Variants in ADGRV1 observed in about 807,000 individuals in gnomAD.
The protein encoded by ADGRV1 is adhesion G protein-coupled receptor V1.
ADGRV1 carries 359 observed loss-of-function variants against 596.2 expected under a neutral mutation model. The observed-to-expected ratio is 0.60, with a 90% confidence interval of 0.55 to 0.66. ADGRV1 has a LOEUF of 0.66. Among genes scored for constraint, ADGRV1 ranks in the 30% least tolerant of loss-of-function variants. The pLI, the probability that ADGRV1 is intolerant of heterozygous loss-of-function variation, is 0.00. For synonymous variants in ADGRV1, 2,681 were observed against 2,679.2 expected, an observed-to-expected ratio of 1.00 and a Z score of -0.02; for missense variants, 7,274 against 7,575.6, an observed-to-expected ratio of 0.96 and a Z score of 1.48.
chr5:91,058,978 A>G (rs1787155671), intron 85 of ADGRV1, among the ~76,000 whole-genome samples: 1 of 152,140 alleles, frequency 6.6e-6, no homozygotes. Context: ...ACTGCACAGC[A>G]CTTTTCTCTG....
chr5:90,729,354 T>C lies in ADGRV1; in HGVS notation c.10427-288T>C, dbSNP rs73772478. ...GGAAAATTTGCTTTCTGCTGCTGAG[T>C]AGAACTTTCATGGGTAAAATTGCAA... is the stretch of plus-strand genomic sequence containing the variant. On this transcript the variant is annotated intron_variant, in intron 49 of 89. Transcript: ENST00000405460. Among the ~76,000 whole-genome samples the C allele has an allele frequency of 0.033, 5,071 of 152,270 alleles. 134 individuals are homozygous for C. Among genetic ancestry groups the C allele is most frequent in the South Asian group, 0.13 (616 of 4,824 alleles).
Position 90,783,863 on chromosome 5 carries a change from C to G in ADGRV1, c.13459C>G (p.Leu4487Val), listed in dbSNP as rs1487589859. Reference protein sequence around the residue: ...ESEFEEPIEILLTGATGGAVL... With the variant: ...ESEFEEPIEIVLTGATGGAVL... The stretch of plus-strand genomic sequence containing the variant: ...TGAATTTGAGGAGCCCATTGAAATT[C>G]TACTCACTGGAGCTACTGGAGGAGC... Residue 4487 changes from leucine (L) to valine (V), a missense_variant, in exon 67 of 90, where the codon CTA becomes GTA. Physicochemically the swap from Leu to Val is conservative, Grantham distance 32. This residue lies in a region of ADGRV1 where 3,643 missense variants were observed against 3,809.2 expected (regional missense o/e 0.96). Transcript: ENST00000405460. 1.2e-6 allele frequency: 2 copies of G among 1,608,846 alleles called. No individual in the cohort carries two copies. Among genetic ancestry groups the G allele is most frequent in the South Asian group, 2.2e-5 (2 of 89,700 alleles).
At chr5:91,053,920 A>G (rs971952996) in intron 85 of ADGRV1, among the ~76,000 whole-genome samples, 15 of 152,244 alleles carry the variant, frequency 9.9e-5, no homozygotes, top group African/African-American at 3.6e-4. Flanking sequence ...AAATGCATAT[A>G]CAATGAATGA....
At chr5:90,639,800 T>C (rs1417758572) in intron 11 of ADGRV1, among the ~76,000 whole-genome samples, 3 of 152,182 alleles carry the variant, frequency 2.0e-5, no homozygotes, top group African/African-American at 7.2e-5. Context: ...AAACTCCCTC[T>C]TAATTTTGCA....
At chr5:90,732,187 A>T (rs982761140) in intron 50 of ADGRV1, among the ~76,000 whole-genome samples, 4 of 152,056 alleles carry the variant, frequency 2.6e-5, no homozygotes, top group African/African-American at 4.8e-5. Context: ...AGTTTTTTTT[A>T]AAAGTGGAGT....
At chr5:91,028,024 T>A (rs1784157662) in intron 85 of ADGRV1, among the ~76,000 whole-genome samples, 1 of 138,090 alleles carries the variant, frequency 7.2e-6, no homozygotes, top group Admixed American at 7.0e-5. Context: ...GAGATCCAGC[T>A]TTTTTTTTCT....
Position 90,612,464 on chromosome 5 carries a change from T to C in ADGRV1, c.23-2371T>C, listed in dbSNP as rs555583729. 4.6e-5 allele frequency among the ~76,000 whole-genome samples: 7 copies of C among 152,148 alleles called. No individual in the cohort carries two copies. The East Asian group carries it at 9.7e-4, about 21-fold the overall frequency. On this transcript the variant is annotated intron_variant, in intron 1 of 89. Coordinates refer to ENST00000405460, the MANE Select transcript of ADGRV1 (RefSeq NM_032119.4). Reference sequence around the variant, plus strand: ...TGTAAATGGCAGTACAGTGTGGTTATTGGGTAGAGAGTTTGGAGTTAGCCT... The same window carrying C: ...TGTAAATGGCAGTACAGTGTGGTTACTGGGTAGAGAGTTTGGAGTTAGCCT...
intron 79 of ADGRV1, among the ~76,000 whole-genome samples, chr5:90,851,039 A>G (rs566877855): frequency 3.3e-5 from 5 of 151,542 alleles, no homozygotes; most frequent in African/African-American, 1.2e-4. Context: ...GGCAAGAATT[A>G]GCATGGTATG....
At chr5:90,873,694 T>C (rs1227448588) in intron 83 of ADGRV1, among the ~76,000 whole-genome samples, 4 of 151,952 alleles carry the variant, frequency 2.6e-5, no homozygotes, top group Non-Finnish European at 5.9e-5. Flanking sequence ...GCTCTGGAGG[T>C]TGAGAAAGGA....
intron 75 of ADGRV1, among the ~76,000 whole-genome samples, chr5:90,819,456 C>A (rs1388822511): frequency 0.02 from 2,915 of 145,308 alleles, 139 homozygotes; most frequent in African/African-American, 0.078. Context: ...GCCTTCTGCT[C>A]GCTTTTGAAT....
chr5:90,992,236 C>T (rs1008089757), intron 85 of ADGRV1, among the ~76,000 whole-genome samples: 65 of 152,240 alleles, frequency 4.3e-4, no homozygotes, highest in African/African-American at 1.5e-3. Context: ...ATTCAAAGGC[C>T]TGTTAACTCC....
At chr5:90,751,540 C>G (rs77788156) in intron 53 of ADGRV1, among the ~76,000 whole-genome samples, 2,124 of 152,062 alleles carry the variant, frequency 0.014, 26 homozygotes, top group Non-Finnish European at 0.022. Flanking sequence ...AGCTGAGGTT[C>G]AAGAATGGAA....
At chr5:90,947,270 G>A (rs1581600077) in intron 83 of ADGRV1, among the ~76,000 whole-genome samples, 1 of 151,926 alleles carries the variant, frequency 6.6e-6, no homozygotes, top group South Asian at 2.1e-4. Flanking sequence ...ATGTTTGTTG[G>A]CCACATAAAT....
chr5:90,643,781 T>C, intron 13 of ADGRV1, 22 bp from the exon 14 acceptor site: 3 of 1,541,194 alleles, frequency 1.9e-6, no homozygotes, highest in Non-Finnish European at 1.8e-6. Flanking sequence ...ATAATTTCCA[T>C]ACTTTGACAC....
intron 28 of ADGRV1, among the ~76,000 whole-genome samples, chr5:90,685,175 A>G (rs1349783809): frequency 6.6e-6 from 1 of 151,312 alleles, no homozygotes; most frequent in Non-Finnish European, 1.5e-5. Flanking sequence ...AAATTTCTCT[A>G]GAATGTAAGC....
chr5:90,793,489 A>G (rs930693886), intron 70 of ADGRV1, among the ~76,000 whole-genome samples: 5 of 152,230 alleles, frequency 3.3e-5, no homozygotes, highest in African/African-American at 1.2e-4. Context: ...GTATTGTTTT[A>G]CTAAGCAACG....
At chr5:90,686,374 C>A (rs1233638852) in intron 29 of ADGRV1, among the ~76,000 whole-genome samples, 1 of 152,086 alleles carries the variant, frequency 6.6e-6, no homozygotes, top group East Asian at 1.9e-4. Flanking sequence ...CTCCCCACAC[C>A]CCACAACAGT....
chr5:91,037,813 C>T (rs760516457), intron 85 of ADGRV1, among the ~76,000 whole-genome samples: 8 of 152,124 alleles, frequency 5.3e-5, no homozygotes, highest in Non-Finnish European at 1.2e-4. Context: ...AATCCTAAAA[C>T]CCAAATACTA....
chr5:91,146,551 G>A (rs1306537707), intron 87 of ADGRV1, among the ~76,000 whole-genome samples: 1 of 152,198 alleles, frequency 6.6e-6, no homozygotes, highest in East Asian at 1.9e-4. Flanking sequence ...ACTGAATTCT[G>A]CTGAGTCCCT....
Sources: gnomAD v4.1 joint callset for allele counts (sites outside exome capture counted in the v4.1 genomes callset) on GRCh38, gnomAD v4.1.1 for gene constraint, gnomAD v4.1.1 regional missense constraint, MANE v1.5 for transcripts, NCBI Gene and HGNC (gene_info 2026-07-23, HGNC 2026-07-21) for gene names.